TSHZ1: variants seen among roughly 807,000 people sequenced by gnomAD.
TSHZ1 encodes the protein teashirt zinc finger homeobox 1.
A neutral mutation model predicts 67.1 loss-of-function variants in TSHZ1; 12 were observed. The ratio of observed to expected loss-of-function variants is 0.18; its 90% confidence interval spans 0.11 to 0.29. The LOEUF is 0.29. TSHZ1 is among the 10% of genes least tolerant of loss of function. TSHZ1 has a pLI of 1.00. For synonymous variants in TSHZ1, 632 were observed against 622.4 expected, an observed-to-expected ratio of 1.02 and a Z score of -0.23; for missense variants, 1,305 against 1,413.9, an observed-to-expected ratio of 0.92 and a Z score of 1.23.
chr18:75,285,678 T>C lies in TSHZ1; in HGVS notation c.271T>C (p.Ser91Pro). ...CGACCAGCTAGCCCATTTCAAAGGC[T>C]CTTCCTCTCGAGAAGAGAAGGAGGA... is the stretch of plus-strand genomic sequence containing the variant. The part of the protein sequence containing the change: ...SSDQLAHFKG[S>P]SSREEKEDPQ... The change falls in exon 2 of 2, where the codon TCT (serine) becomes CCT (proline). Residue 91 changes from serine (S) to proline (P), a missense_variant. Physicochemically the swap from Ser to Pro is moderately conservative, Grantham distance 74 (BLOSUM62 -1). Coordinates refer to ENST00000580243, the MANE Select transcript of TSHZ1 (RefSeq NM_001308210.2). 1.9e-6 allele frequency: 3 copies of C among 1,614,040 alleles called. No individual in the cohort carries two copies. The highest frequency in any genetic ancestry group is 4.5e-5 in the East Asian group (2 of 44,858).
At chr18:75,245,941 T>G (rs1014685894) in intron 1 of TSHZ1, among the ~76,000 whole-genome samples, 1 of 152,224 alleles carries the variant, frequency 6.6e-6, no homozygotes, top group African/African-American at 2.4e-5. Context: ...AAATCTTGGT[T>G]AGCACTTGGC....
At chr18:75,262,718 C>A (rs534603220) in intron 1 of TSHZ1, among the ~76,000 whole-genome samples, 1 of 152,172 alleles carries the variant, frequency 6.6e-6, no homozygotes, top group African/African-American at 2.4e-5. Context: ...GGTGGCCATG[C>A]CTCCCCTTAT....
rs1368659953 is a variant in TSHZ1 at position 75,287,425 on chromosome 18, T to C, written c.2018T>C (p.Ile673Thr). The change falls in exon 2 of 2, where the codon ATA becomes ACA. Residue 673 changes from isoleucine (I) to threonine (T), a missense_variant. By Grantham distance (89) the Ile-to-Thr change is moderately conservative. Coordinates refer to ENST00000580243, the MANE Select transcript of TSHZ1 (RefSeq NM_001308210.2). The surrounding 1 kb of genome is among the most constrained non-coding windows in gnomAD (Gnocchi z 5.0). ...TCCCTGGCCAAGGCTGCGTCCCCCATAGCAAAAGAGAATAAAGATTTCCCG... is the reference window on the plus strand; with the variant it reads ...TCCCTGGCCAAGGCTGCGTCCCCCACAGCAAAAGAGAATAAAGATTTCCCG... Reference protein sequence around the residue: ...KSSLAKAASPIAKENKDFPKT... With the variant: ...KSSLAKAASPTAKENKDFPKT... The C allele has an allele frequency of 1.2e-6, 2 of 1,613,902 alleles. No individual in the cohort carries two copies. The highest frequency in any genetic ancestry group is 2.2e-5 in the East Asian group (1 of 44,858).
chr18:75,248,506 A>C (rs1415053925), intron 1 of TSHZ1, among the ~76,000 whole-genome samples: 1 of 152,240 alleles, frequency 6.6e-6, no homozygotes, highest in Non-Finnish European at 1.5e-5. Flanking sequence ...TATTTATCGT[A>C]AGATAGACTG....
intron 1 of TSHZ1, among the ~76,000 whole-genome samples, chr18:75,214,795 G>A (rs1230550494): frequency 6.6e-6 from 1 of 152,140 alleles, no homozygotes; most frequent in Admixed American, 6.5e-5. Context: ...AAAAGGTAAG[G>A]TTGTTTAGCC....
chr18:75,276,344 G>A (rs1461576198), intron 1 of TSHZ1, among the ~76,000 whole-genome samples: 1 of 151,526 alleles, frequency 6.6e-6, no homozygotes, highest in African/African-American at 2.4e-5. Context: ...GCTTTGCTTG[G>A]CAGGGTGTCA....
intron 1 of TSHZ1, among the ~76,000 whole-genome samples, chr18:75,279,583 G>A (rs1162234279): frequency 6.6e-6 from 1 of 152,162 alleles, no homozygotes; most frequent in Non-Finnish European, 1.5e-5. Context: ...GAGGACGGTG[G>A]GAGGCGGCCA....
intron 1 of TSHZ1, among the ~76,000 whole-genome samples, chr18:75,238,027 G>A (rs372482876): frequency 2.6e-5 from 4 of 152,166 alleles, no homozygotes; most frequent in South Asian, 4.2e-4. Context: ...GGTCAGGCTG[G>A]GCACCTCAGG....
intron 1 of TSHZ1, chr18:75,283,350 G>C (rs1033440688): frequency 1.4e-4 from 21 of 152,274 alleles, no homozygotes; most frequent in African/African-American, 5.1e-4. Flanking sequence ...TCAGAACTGG[G>C]CCATCCTAAA....
intron 1 of TSHZ1, among the ~76,000 whole-genome samples, chr18:75,220,213 C>G (rs962928385): frequency 1.3e-5 from 2 of 152,122 alleles, no homozygotes; most frequent in African/African-American, 4.8e-5. Context: ...TAGTTGACAG[C>G]AACTCAAACA....
intron 1 of TSHZ1, among the ~76,000 whole-genome samples, chr18:75,217,461 T>C (rs1035859757): frequency 2.0e-5 from 3 of 152,142 alleles, no homozygotes; most frequent in Non-Finnish European, 4.4e-5. Context: ...GTTTGTTTTG[T>C]TTTGGTTTCT....
intron 1 of TSHZ1, among the ~76,000 whole-genome samples, chr18:75,248,570 A>G (rs1470151061): frequency 6.6e-6 from 1 of 152,238 alleles, no homozygotes; most frequent in African/African-American, 2.4e-5. Flanking sequence ...ATTTTTGTAA[A>G]TCCAATTGAC....
At chr18:75,241,655 A>G (rs1402652350) in intron 1 of TSHZ1, among the ~76,000 whole-genome samples, 8 of 152,288 alleles carry the variant, frequency 5.3e-5, no homozygotes, top group African/African-American at 1.9e-4. Flanking sequence ...TGACATTCAT[A>G]ACAAATCAAT....
At chr18:75,223,721 G>A (rs2022880366) in intron 1 of TSHZ1, among the ~76,000 whole-genome samples, 1 of 151,944 alleles carries the variant, frequency 6.6e-6, no homozygotes, top group African/African-American at 2.4e-5. Context: ...TTGCAGGCCT[G>A]ATTCTCTGCA....
rs1386691076 is a variant in TSHZ1 at position 75,210,855 on chromosome 18, GGA to G, written c.-1016_-1015del. 6 of 148,006 alleles carry G rather than the reference GGA, an allele frequency of 4.1e-5. No homozygotes were observed. The highest frequency in any genetic ancestry group is 4.0e-4 in the Admixed American group (6 of 14,862). 9.2% of individuals were successfully genotyped at this position (148,006 alleles called of 1,614,324 possible). A position where few individuals can be genotyped will look rare whatever the true frequency, so the allele number is the denominator to read the frequency against. ...TGTGTGTTATATTTCACTGAAAAGA[GGA>G]GAGAGCGAGAGTGCATCTCCCTCTC... is the stretch of plus-strand genomic sequence containing the variant. On this transcript the variant is annotated 5_prime_UTR_variant, in exon 1 of 2. Transcript: ENST00000580243.
Position 75,287,273 on chromosome 18 carries a change from C to T in TSHZ1, c.1866C>T (p.His622=), listed in dbSNP as rs199803092. Residue 622 remains histidine, a synonymous_variant, in exon 2 of 2, where the codon CAC becomes CAT. Coordinates refer to ENST00000580243, the MANE Select transcript of TSHZ1 (RefSeq NM_001308210.2). This position sits in a 1 kb window ranked among gnomAD's most constrained non-coding sequence, Gnocchi z 5.0. Reference sequence around the variant, plus strand: ...CCGCCGAGCACAACGCCCTCCTGCACTCCCCAGGGAGCCTCACGCCCCCAC... The same window carrying T: ...CCGCCGAGCACAACGCCCTCCTGCATTCCCCAGGGAGCCTCACGCCCCCAC... ...LSSAEHNALL[H]SPGSLTPPPH... is the part of the protein sequence containing the mutation. 3.8e-5 allele frequency: 62 copies of T among 1,614,062 alleles called. No homozygotes were observed. In the African/African-American group the frequency reaches 7.5e-4, roughly 19 times the overall value.
chr18:75,229,408 G>A (rs1380018660), intron 1 of TSHZ1, among the ~76,000 whole-genome samples: 1 of 152,240 alleles, frequency 6.6e-6, no homozygotes, highest in Non-Finnish European at 1.5e-5. Flanking sequence ...GGCCCACACT[G>A]TATGCACCAT....
At chr18:75,220,049 A>G in intron 1 of TSHZ1, among the ~76,000 whole-genome samples, 1 of 152,222 alleles carries the variant, frequency 6.6e-6, no homozygotes, top group East Asian at 1.9e-4. Context: ...TCCCCAGAAC[A>G]CCGCATAAAG....
chr18:75,215,445 C>T (rs901902025), intron 1 of TSHZ1, among the ~76,000 whole-genome samples: 6 of 152,084 alleles, frequency 3.9e-5, no homozygotes, highest in African/African-American at 7.2e-5. Flanking sequence ...TCCACCCTGG[C>T]ACACACACAC....
Sources: allele counts gnomAD v4.1 joint callset (sites outside exome capture counted in the v4.1 genomes callset), GRCh38; gene constraint gnomAD v4.1.1; non-coding constraint Gnocchi (gnomAD v3.1); transcripts MANE v1.5; gene names NCBI Gene and HGNC (gene_info 2026-07-23, HGNC 2026-07-21).